Variants in PSEN2 observed in about 807,000 individuals in gnomAD.
PSEN2 encodes the protein presenilin-2.
A neutral mutation model predicts 49.1 loss-of-function variants in PSEN2; 32 were observed. That is an observed-to-expected ratio of 0.65 (90% CI 0.49 to 0.88). The LOEUF (loss-of-function observed/expected upper bound fraction) is 0.88. Ranked by LOEUF, PSEN2 falls within the 40% of genes least tolerant of loss-of-function variation. The pLI is 0.00. For missense variants in PSEN2, 522 were observed against 586.9 expected (o/e 0.89, Z 1.14); for synonymous variants, 255 against 244.0 (o/e 1.05, Z -0.42).
At chr1:226,880,545 A>AGACAGTGATCACTCAGCCTCTG (rs1660909947) in intron 3 of PSEN2, 23 of 1,099,046 alleles carry the variant, frequency 2.1e-5, no homozygotes, top group South Asian at 9.5e-5. Flanking sequence ...GCCTCTGGAC[A>AGACAGTGATCACTCAGCCTCTG]GACAGCGATC....
At chr1:226,880,478 C>G (rs202107545) in intron 3 of PSEN2, 109 of 1,469,820 alleles carry the variant, frequency 7.4e-5, no homozygotes, top group Non-Finnish European at 8.9e-5. Flanking sequence ...GGGTGTGAAG[C>G]TCAGCCCTGA....
chr1:226,893,964 G>T (rs1661929991), intron 11 of PSEN2, 43 bp from the exon 12 acceptor site: 4 of 1,514,614 alleles, frequency 2.6e-6, no homozygotes, highest in South Asian at 2.2e-5. Context: ...TTTCCATTCT[G>T]TGCACGCCTC....
downstream of PSEN2, among the ~76,000 whole-genome samples, chr1:226,901,363 G>A (rs1033580043): frequency 2.7e-5 from 4 of 150,864 alleles, no homozygotes; most frequent in Non-Finnish European, 5.9e-5. Context: ...TTGAACCAGG[G>A]AGGCAGAGGT....
In PSEN2 at chr1:226,891,842, A is replaced by G; in HGVS notation, c.1070A>G (p.Glu357Gly). 6.2e-7 allele frequency: 1 copy of G among 1,613,532 alleles called. No individual in the cohort carries two copies. Among genetic ancestry groups the G allele is most frequent in the Non-Finnish European group, 8.5e-7 (1 of 1,179,540 alleles). The change falls in exon 11 of 13, where the codon GAA (glutamate) becomes GGA (glycine). Residue 357 changes from glutamate to glycine, a missense_variant and splice_region_variant. Coordinates refer to ENST00000366783, the MANE Select transcript of PSEN2 (RefSeq NM_000447.3). ...GGGGAGGAGCTGGAGGAAGAGGAGG[A>G]AAGTAAGGTGCCCATGTTCACACGG... ...YPGEELEEEE[E>G]RGVKLGLGDF...
In PSEN2 at chr1:226,883,685, C is replaced by CA; in HGVS notation, c.142-19dup. 6.2e-7 allele frequency: 1 copy of CA among 1,611,638 alleles called. No individual in the cohort carries two copies. The highest frequency in any genetic ancestry group is 8.5e-7 in the Non-Finnish European group (1 of 1,178,714). ...GCCGTGGGGGACATTCTGCGGCCCTCACGATGTGGTTTCCCACAGAGAAGC... is the reference window on the plus strand; with the variant it reads ...GCCGTGGGGGACATTCTGCGGCCCTCAACGATGTGGTTTCCCACAGAGAAGC... On this transcript the variant is annotated intron_variant, in intron 4 of 12. Transcript: ENST00000366783.
At chr1:226,893,106 T>G (rs539453707) in intron 11 of PSEN2, among the ~76,000 whole-genome samples, 18 of 152,266 alleles carry the variant, frequency 1.2e-4, no homozygotes, top group Admixed American at 8.5e-4. Context: ...CTCATTTATA[T>G]TTTTAGTAGA....
At chr1:226,900,272 G>A (rs912864087), downstream of PSEN2, among the ~76,000 whole-genome samples, 1 of 152,150 alleles carries the variant, frequency 6.6e-6, no homozygotes, top group Admixed American at 6.5e-5. Context: ...GAGACCCTCT[G>A]CCCCCCACCG....
chr1:226,886,719 G>A (rs1661387048), intron 6 of PSEN2, among the ~76,000 whole-genome samples: 1 of 152,182 alleles, frequency 6.6e-6, no homozygotes, highest in Admixed American at 6.5e-5. Flanking sequence ...GTGCAGGGAG[G>A]GAGCTGAGCC....
chr1:226,896,580 TC>T (rs1283214308), downstream of PSEN2, among the ~76,000 whole-genome samples: 2 of 152,086 alleles, frequency 1.3e-5, no homozygotes, highest in Non-Finnish European at 2.9e-5. Flanking sequence ...AAGTGCCTCT[TC>T]CTGAGCACAG....
At position 226,873,479 on chromosome 1, in the gene PSEN2, G is replaced by A. The variant is rs534694170; in HGVS notation, c.-206-1886G>A. 3.9e-5 allele frequency among the ~76,000 whole-genome samples: 6 copies of A among 152,196 alleles called. No individual in the cohort carries two copies. In the East Asian group the frequency reaches 1.2e-3, roughly 30 times the overall value. On this transcript the variant is annotated intron_variant, in intron 2 of 12. Transcript: ENST00000366783. Reference sequence around the variant, plus strand: ...TGCCCAGGCTGGAGTGCGATGGTATGATCTCAGCTAACTGCAACCTCTGCT... The same window carrying A: ...TGCCCAGGCTGGAGTGCGATGGTATAATCTCAGCTAACTGCAACCTCTGCT...
chr1:226,886,382 C>T (rs1661365810), intron 6 of PSEN2, among the ~76,000 whole-genome samples: 1 of 152,204 alleles, frequency 6.6e-6, no homozygotes. Flanking sequence ...TGAGGTCTTG[C>T]AGCCCTGGGA....
chr1:226,880,569 A>ACAGCGATCACTCAGCCTCTGGT, intron 3 of PSEN2: 1 of 1,605,418 alleles, frequency 6.2e-7, no homozygotes, highest in Non-Finnish European at 8.5e-7. Context: ...CAGCCTCTGG[A>ACAGCGATCACTCAGCCTCTGGT]CAGCGATCAC....
At chr1:226,903,074 A>G (rs1662366173) in intron 12 of PSEN2, among the ~76,000 whole-genome samples, 1 of 146,684 alleles carries the variant, frequency 6.8e-6, no homozygotes, top group African/African-American at 2.8e-5. Context: ...TTGTAATAAC[A>G]TTCTCATACT....
chr1:226,899,161 T>A (rs1662237375), downstream of PSEN2: 1 of 152,258 alleles, frequency 6.6e-6, no homozygotes, highest in East Asian at 1.9e-4. Context: ...TTTGCTTGTA[T>A]GGCTTATGCC....
chr1:226,888,144 C>G lies in PSEN2; in HGVS notation c.552C>G (p.Thr184=), dbSNP rs1243677453. The change falls in exon 7 of 13, where the codon ACC becomes ACG. Residue 184 remains threonine (T), a synonymous_variant. Transcript: ENST00000366783. ...CACTGATGCTGCTGTTCCTCTTCACCTATATCTACCTTGGGTAAGTGACAG... is the reference window on the plus strand; with the variant it reads ...CACTGATGCTGCTGTTCCTCTTCACGTATATCTACCTTGGGTAAGTGACAG... The part of the protein sequence containing the change: ...MSSLMLLFLF[T]YIYLGEVLKT... 2 of 1,613,102 alleles carry G rather than the reference C, an allele frequency of 1.2e-6. 1 individual carries two copies. Among genetic ancestry groups the G allele is most frequent in the Middle Eastern group, 3.3e-4 (2 of 6,058 alleles).
chr1:226,886,040 AT>A (rs968024655), intron 6 of PSEN2, among the ~76,000 whole-genome samples: 1 of 146,494 alleles, frequency 6.8e-6, no homozygotes, highest in Admixed American at 6.8e-5. Context: ...TAATTAAAAA[AT>A]TTTTTTTTGT....
intron 7 of PSEN2, among the ~76,000 whole-genome samples, chr1:226,888,442 C>A (rs1442057217): frequency 6.6e-6 from 1 of 152,142 alleles, no homozygotes; most frequent in Non-Finnish European, 1.5e-5. Context: ...GATAGAAACC[C>A]CCCAAAATTT....
At chr1:226,896,644 T>C (rs947098589), downstream of PSEN2, among the ~76,000 whole-genome samples, 1 of 152,000 alleles carries the variant, frequency 6.6e-6, no homozygotes, top group African/African-American at 2.4e-5. Flanking sequence ...GAAGGATCAC[T>C]TGAGCCCAGG....
intron 3 of PSEN2, among the ~76,000 whole-genome samples, chr1:226,877,879 A>G (rs1402672387): frequency 3.3e-5 from 5 of 152,204 alleles, no homozygotes; most frequent in Non-Finnish European, 7.4e-5. Context: ...GCCTGGGCAC[A>G]GGGCAGGCAG....
Sources: gnomAD v4.1 joint callset for allele counts (sites outside exome capture counted in the v4.1 genomes callset) on GRCh38, gnomAD v4.1.1 for gene constraint, MANE v1.5 for transcripts, NCBI Gene and HGNC (gene_info 2026-07-23, HGNC 2026-07-21) for gene names.